Variants in NR2E1 observed in about 807,000 individuals in gnomAD.
NR2E1 encodes nuclear receptor subfamily 2 group E member 1, also known as nuclear receptor TLX.
In NR2E1, 5 loss-of-function variants were observed where a neutral mutation model predicts 43.6. The observed-to-expected ratio is 0.11, with a 90% CI of 0.06 to 0.24. The LOEUF is 0.24. NR2E1 is among the 10% of genes least tolerant of loss of function. The pLI, the probability that NR2E1 is intolerant of heterozygous loss-of-function variation, is 1.00. For missense variants in NR2E1, 287 were observed against 496.7 expected (o/e 0.58, Z 4.01); for synonymous variants, 191 against 195.5 (o/e 0.98, Z 0.19).
At chr6:108,175,539 T>A (rs1459220984) in intron 3 of NR2E1, among the ~76,000 whole-genome samples, 1 of 152,292 alleles carries the variant, frequency 6.6e-6, no homozygotes, top group South Asian at 2.1e-4. Flanking sequence ...GACACCCAGC[T>A]CTCCCAAGGC....
At position 108,187,924 on chromosome 6, in the gene NR2E1, G is replaced by A. The variant is rs1443423273; in HGVS notation, c.*461G>A. The A allele has an allele frequency of 1.1e-5, 2 of 183,616 alleles. No individual in the cohort carries two copies. Among genetic ancestry groups the A allele is most frequent in the Non-Finnish European group, 2.3e-5 (2 of 85,152 alleles). The allele number at this position is 183,616 out of a possible 1,614,324, so 11.4% of individuals were successfully genotyped here. A position where few individuals can be genotyped will look rare whatever the true frequency, so the allele number is the denominator to read the frequency against. Reference sequence around the variant, plus strand: ...TTGGAGCATTTATTTTAAAAATAATGGTAGGTTTTAAATTAAAAGTGTTAT... The same window carrying A: ...TTGGAGCATTTATTTTAAAAATAATAGTAGGTTTTAAATTAAAAGTGTTAT... On this transcript the variant is annotated 3_prime_UTR_variant, in exon 9 of 9. Transcript: ENST00000368986.
intron 8 of NR2E1, among the ~76,000 whole-genome samples, chr6:108,186,340 G>T (rs1374282362): frequency 1.4e-5 from 2 of 146,556 alleles, no homozygotes; most frequent in Admixed American, 1.4e-4. Context: ...TAAATATTTA[G>T]ACAAGCATGA....
rs1247118258 is a variant in NR2E1, at chr6:108,180,195, T to A, written c.643-128T>A. ...ATGGGAAAATAAGGGAAAGCTAGAA[T>A]ATTCAGAAAAAATTACCAAGACAGG... On this transcript the variant is annotated intron_variant, in intron 5 of 8. Coordinates refer to ENST00000368986, the MANE Select transcript of NR2E1 (RefSeq NM_003269.5). The surrounding 1 kb of genome is among the most constrained non-coding windows in gnomAD (Gnocchi z 5.4). 2.9e-6 allele frequency: 2 copies of A among 690,306 alleles called. No homozygotes were observed. The highest frequency in any genetic ancestry group is 2.5e-6 in the Non-Finnish European group (1 of 394,360). The allele number at this position is 690,306 out of a possible 1,614,324, so 42.8% of individuals were successfully genotyped here. A position where few individuals can be genotyped will look rare whatever the true frequency, so the allele number is the denominator to read the frequency against.
intron 4 of NR2E1, among the ~76,000 whole-genome samples, 153 bp from the exon 5 acceptor site, chr6:108,177,942 T>C (rs1773925991): frequency 6.6e-6 from 1 of 152,230 alleles, no homozygotes; most frequent in Non-Finnish European, 1.5e-5. Context: ...ATGTTTGATT[T>C]TTTTACCCAC....
intron 2 of NR2E1, among the ~76,000 whole-genome samples, chr6:108,172,988 T>C (rs1773837483): frequency 6.6e-6 from 1 of 152,260 alleles, no homozygotes; most frequent in Admixed American, 6.5e-5. Context: ...TTAGATTGTC[T>C]TTTGCTTTTA....
chr6:108,178,337 C>A, intron 5 of NR2E1, 96 bp downstream of exon 5: 1 of 1,300,154 alleles, frequency 7.7e-7, no homozygotes, highest in Non-Finnish European at 1.1e-6. Context: ...GTAAACCACC[C>A]AAGGCAGGCA....
Position 108,180,565 on chromosome 6 carries a change from T to C in NR2E1, c.739+146T>C. On this transcript the variant is annotated intron_variant, in intron 6 of 8. Coordinates refer to ENST00000368986, the MANE Select transcript of NR2E1 (RefSeq NM_003269.5). This position sits in a 1 kb window ranked among gnomAD's most constrained non-coding sequence, Gnocchi z 5.4. ...TTATAAATCTATATTTAAATGCAAA[T>C]AATGTTGTTTTGTTGTATTCATGAC... 1 of 748,038 alleles carries C rather than the reference T, an allele frequency of 1.3e-6. No homozygotes were observed. The highest frequency in any genetic ancestry group is 2.3e-6 in the Non-Finnish European group (1 of 431,512). The allele number at this position is 748,038 out of a possible 1,614,324, so 46.3% of individuals were successfully genotyped here.
intron 3 of NR2E1, among the ~76,000 whole-genome samples, chr6:108,175,765 G>A (rs529813337): frequency 1.4e-4 from 21 of 152,360 alleles, no homozygotes; most frequent in African/African-American, 4.8e-4. Flanking sequence ...TCCAGGAGGA[G>A]AGAGAGCCCC....
intron 8 of NR2E1, among the ~76,000 whole-genome samples, chr6:108,186,500 G>A (rs886748046): frequency 2.6e-5 from 4 of 152,132 alleles, no homozygotes; most frequent in African/African-American, 4.8e-5. Context: ...TGTGTATCCC[G>A]GAAGTTCAGG....
chr6:108,182,120 T>C (rs1422258893), intron 8 of NR2E1, among the ~76,000 whole-genome samples: 1 of 151,752 alleles, frequency 6.6e-6, no homozygotes, highest in Non-Finnish European at 1.5e-5. Context: ...GCACCTGTAG[T>C]CCCAGCAGCT....
chr6:108,175,367 C>CA (rs1692418502), intron 3 of NR2E1, among the ~76,000 whole-genome samples: 1 of 152,220 alleles, frequency 6.6e-6, no homozygotes, highest in African/African-American at 2.4e-5. Context: ...AAAGGGAGGG[C>CA]AGAGACGCGA....
intron 1 of NR2E1, among the ~76,000 whole-genome samples, chr6:108,167,198 C>A (rs1207345689): frequency 6.6e-6 from 1 of 152,126 alleles, no homozygotes; most frequent in Non-Finnish European, 1.5e-5. Context: ...CTGTGCAAAG[C>A]GGATTTTGAA....
chr6:108,180,298 A>G lies in NR2E1; in HGVS notation c.643-25A>G, dbSNP rs1466564397. Reference sequence around the variant, plus strand: ...AAATTTATAAATTACACACTATATTATATTATACATCTATTGTATGACAGC... The same window carrying G: ...AAATTTATAAATTACACACTATATTGTATTATACATCTATTGTATGACAGC... On this transcript the variant is annotated intron_variant, in intron 5 of 8. Coordinates refer to ENST00000368986, the MANE Select transcript of NR2E1 (RefSeq NM_003269.5). This position sits in a 1 kb window ranked among gnomAD's most constrained non-coding sequence, Gnocchi z 5.4. 4 of 1,335,268 alleles carry G rather than the reference A, an allele frequency of 3.0e-6. No homozygotes were observed. Among genetic ancestry groups the G allele is most frequent in the Non-Finnish European group, 4.3e-6 (4 of 926,364 alleles). 82.7% of individuals were successfully genotyped at this position (1,335,268 alleles called of 1,614,324 possible).
chr6:108,167,941 A>G, intron 1 of NR2E1: 1 of 1,417,104 alleles, frequency 7.1e-7, no homozygotes, highest in Non-Finnish European at 9.5e-7. Context: ...TCCAAGAAGG[A>G]GGTTGTGTTT....
rs1774102960 is a variant in NR2E1 at position 108,188,034 on chromosome 6, T to C, written c.*571T>C. On this transcript the variant is annotated 3_prime_UTR_variant, in exon 9 of 9. Coordinates refer to ENST00000368986, the MANE Select transcript of NR2E1 (RefSeq NM_003269.5). ...GTGAAAAGTAGCTTATGCCATGTGA[T>C]TTGCTTTTTCTCTATCTTCTTTTTT... 6.5e-6 allele frequency: 1 copy of C among 153,904 alleles called. No homozygotes were observed. Among genetic ancestry groups the C allele is most frequent in the Non-Finnish European group, 1.4e-5 (1 of 69,104 alleles). The allele number at this position is 153,904 out of a possible 1,614,324, so 9.5% of individuals were successfully genotyped here.
In NR2E1 at chr6:108,176,678, C is replaced by A; in HGVS notation, c.435C>A (p.Ala145=). Residue 145 remains alanine, a synonymous_variant, in exon 4 of 9, where the codon GCC becomes GCA. Coordinates refer to ENST00000368986, the MANE Select transcript of NR2E1 (RefSeq NM_003269.5). ...TGGAGCCGCACGGCCTGGAGCTGGC[C>A]GCGGTGTCCACCACTCCAGAGCGGC... The part of the protein sequence containing the change: ...TQLEPHGLEL[A]AVSTTPERQT... 6.2e-7 allele frequency: 1 copy of A among 1,600,436 alleles called. No individual in the cohort carries two copies.
At chr6:108,174,784 G>T in intron 2 of NR2E1, 52 bp from the exon 3 acceptor site, 1 of 1,516,442 alleles carries the variant, frequency 6.6e-7, no homozygotes, top group South Asian at 1.1e-5. Flanking sequence ...CCGGCTCCGG[G>T]TCTCCAGCCT....
rs557184558 is a variant in NR2E1 at position 108,176,756 on chromosome 6, G to A, written c.495+18G>A. 3.2e-6 allele frequency: 5 copies of A among 1,543,232 alleles called. No homozygotes were observed. Among genetic ancestry groups the A allele is most frequent in the South Asian group, 1.2e-5 (1 of 84,938 alleles). ...CGCCCAAGGTCAGCGGCCTTGCTGG[G>A]CCCAAAGAGACTCGTGCCAGCGAAT... On this transcript the variant is annotated intron_variant, in intron 4 of 8. Transcript: ENST00000368986.
chr6:108,180,499 GA>G lies in NR2E1; in HGVS notation c.739+82del. 1 of 985,616 alleles carries G rather than the reference GA, an allele frequency of 1.0e-6. No homozygotes were observed. Among genetic ancestry groups the G allele is most frequent in the Non-Finnish European group, 1.6e-6 (1 of 608,820 alleles). The allele number at this position is 985,616 out of a possible 1,614,324, so 61.1% of individuals were successfully genotyped here. A position where few individuals can be genotyped will look rare whatever the true frequency, so the allele number is the denominator to read the frequency against. On this transcript the variant is annotated intron_variant, in intron 6 of 8. Transcript: ENST00000368986. This position sits in a 1 kb window ranked among gnomAD's most constrained non-coding sequence, Gnocchi z 5.4. ...TACTGAAAAAAGAACAACATGTAAA[GA>G]ATAACAAATTCCTGCTGAACAATAG... is the stretch of plus-strand genomic sequence containing the variant.
Sources: gnomAD v4.1 joint callset for allele counts (sites outside exome capture counted in the v4.1 genomes callset) on GRCh38, gnomAD v4.1.1 for gene constraint, Gnocchi (gnomAD v3.1) non-coding constraint, MANE v1.5 for transcripts, NCBI Gene and HGNC (gene_info 2026-07-23, HGNC 2026-07-21) for gene names.